Variants in SPRY3 observed in about 807,000 individuals in gnomAD.
SPRY3 encodes sprouty RTK signaling antagonist 3.
A neutral mutation model predicts 20.2 loss-of-function variants in SPRY3; 15 were observed. The ratio of observed to expected loss-of-function variants is 0.74; its 90% confidence interval spans 0.50 to 1.14. The LOEUF is 1.14. Among genes scored for constraint, SPRY3 ranks in the 50% most tolerant of loss-of-function variants. SPRY3 has a pLI of 0.00. For synonymous variants in SPRY3, 143 were observed against 136.5 expected (o/e 1.05, Z -0.33); for missense variants, 364 against 363.9 (o/e 1.00, Z 0.00).
At chrX:155,730,488 G>A (rs192632241) in intron 2 of SPRY3, among the ~76,000 whole-genome samples, 225 of 152,110 alleles carry the variant, frequency 1.5e-3, no homozygotes, top group African/African-American at 4.4e-3. Context: ...ATTTGACATC[G>A]CTTCATTATA....
At chrX:155,713,183 G>A (rs2090998978) in intron 2 of SPRY3, among the ~76,000 whole-genome samples, 1 of 151,946 alleles carries the variant, frequency 6.6e-6, no homozygotes, top group South Asian at 2.1e-4. Flanking sequence ...ATGGTGGTTT[G>A]CTGCACCTAT....
intron 2 of SPRY3, among the ~76,000 whole-genome samples, chrX:155,708,029 T>C (rs2090962782): frequency 6.6e-6 from 1 of 151,334 alleles, no homozygotes; most frequent in Non-Finnish European, 1.5e-5. Context: ...TTTTATAATA[T>C]ACAATTTTAA....
intron 2 of SPRY3, among the ~76,000 whole-genome samples, chrX:155,751,711 T>C (rs1255141415): frequency 9.9e-6 from 1 of 101,080 alleles, no homozygotes; most frequent in African/African-American, 6.1e-5. Flanking sequence ...AAAATACAAT[T>C]GCCAAAATAT....
intron 2 of SPRY3, among the ~76,000 whole-genome samples, chrX:155,720,590 G>T (rs933682992): frequency 1.3e-5 from 2 of 152,176 alleles, no homozygotes; most frequent in African/African-American, 2.4e-5. Flanking sequence ...GCTTCAGGTG[G>T]CTCAGAACAC....
intron 2 of SPRY3, among the ~76,000 whole-genome samples, chrX:155,727,189 C>T (rs1473768512): frequency 6.6e-6 from 1 of 152,154 alleles, no homozygotes; most frequent in Non-Finnish European, 1.5e-5. Context: ...GTCTGATGGG[C>T]TTCCTTTTGT....
At position 155,766,865 on chromosome X, in the gene SPRY3, A is replaced by G. The variant is rs193295960; in HGVS notation, c.-281-1097A>G. Reference sequence around the variant, plus strand: ...TGCTAAAGGGAAAGTAGGTTGGGTAATGGTTTCCCAGTGGCAATGGATGGG... The same window carrying G: ...TGCTAAAGGGAAAGTAGGTTGGGTAGTGGTTTCCCAGTGGCAATGGATGGG... On this transcript the variant is annotated intron_variant, in intron 2 of 3. Coordinates refer to ENST00000675360, the Ensembl canonical transcript of SPRY3. 3.3e-3 allele frequency among the ~76,000 whole-genome samples: 499 copies of G among 152,294 alleles called. 3 individuals are homozygous for G. The highest frequency in any genetic ancestry group is 0.011 in the African/African-American group (475 of 41,556).
At chrX:155,732,918 AT>A (rs1334431676) in intron 2 of SPRY3, among the ~76,000 whole-genome samples, 1 of 151,916 alleles carries the variant, frequency 6.6e-6, no homozygotes, top group Non-Finnish European at 1.5e-5. Context: ...CTTCGCTTTC[AT>A]TTTTTATTTT....
chrX:155,628,618 T>C (rs781966550), intron 1 of SPRY3, among the ~76,000 whole-genome samples: 3 of 112,215 alleles, frequency 2.7e-5, no homozygotes, highest in Non-Finnish European at 5.6e-5. Flanking sequence ...AAAACCACAA[T>C]GAAATACCAT....
intron 2 of SPRY3, among the ~76,000 whole-genome samples, chrX:155,749,239 T>C (rs898762655): frequency 3.3e-5 from 5 of 151,912 alleles, no homozygotes; most frequent in Non-Finnish European, 7.4e-5. Flanking sequence ...TGGTTATTCT[T>C]TTAGGCACTG....
intron 2 of SPRY3, among the ~76,000 whole-genome samples, chrX:155,709,178 A>G (rs1749878284): frequency 6.6e-6 from 1 of 151,734 alleles, no homozygotes; most frequent in South Asian, 2.1e-4. Flanking sequence ...TCTTTTGGGC[A>G]TATACCCAGC....
chrX:155,740,089 C>A (rs1233328105), intron 2 of SPRY3, among the ~76,000 whole-genome samples: 2 of 152,146 alleles, frequency 1.3e-5, no homozygotes, highest in East Asian at 1.9e-4. Flanking sequence ...ATGAAGATTT[C>A]ACTTTAATAT....
intron 2 of SPRY3, among the ~76,000 whole-genome samples, chrX:155,766,036 C>G (rs1214162143): frequency 1.3e-5 from 2 of 152,034 alleles, no homozygotes; most frequent in Non-Finnish European, 2.9e-5. Flanking sequence ...GATGAACCTA[C>G]AGTGAATCAC....
exon 4 of SPRY3, chrX:155,774,711 C>T (rs777863656): frequency 2.5e-6 from 4 of 1,613,088 alleles, no homozygotes; most frequent in South Asian, 1.1e-5. Context: ...GTGCACCCTT[C>T]CCCAAGGCCC....
chrX:155,705,987 TAGA>T (rs2090948116), intron 2 of SPRY3, among the ~76,000 whole-genome samples: 1 of 151,264 alleles, frequency 6.6e-6, no homozygotes, highest in African/African-American at 2.4e-5. Context: ...AACAAGGATA[TAGA>T]AGATCTGAAC....
intron 2 of SPRY3, among the ~76,000 whole-genome samples, chrX:155,682,871 G>A (rs1432137744): frequency 8.9e-6 from 1 of 111,923 alleles, no homozygotes; most frequent in Non-Finnish European, 1.9e-5. Context: ...TTCATGAGTT[G>A]AAGTCAAAAT....
rs181427496 is a variant in SPRY3 at position 155,728,314 on chromosome X, C to G, written c.-281-39648C>G. Among the ~76,000 whole-genome samples the G allele has an allele frequency of 3.8e-3, 584 of 152,254 alleles. 2 individuals carry two copies. The highest frequency in any genetic ancestry group is 0.013 in the African/African-American group (552 of 41,540). On this transcript the variant is annotated intron_variant, in intron 2 of 3. Transcript: ENST00000675360. ...GGCGGTCTGTTTCAGAGCTCAAACGCCATACTGTGAGAACCACTGCTCTCT... is the reference window on the plus strand; with the variant it reads ...GGCGGTCTGTTTCAGAGCTCAAACGGCATACTGTGAGAACCACTGCTCTCT...
intron 3 of SPRY3, among the ~76,000 whole-genome samples, chrX:155,773,307 G>GTTATATATATATATAT (rs4013148): frequency 3.3e-5 from 4 of 120,740 alleles, no homozygotes; most frequent in South Asian, 2.8e-4. Context: ...ATTTTGATTG[G>GTTATATATATATATAT]ATATATATAT....
chrX:155,680,040 A>AAT (rs988586234), intron 2 of SPRY3, among the ~76,000 whole-genome samples: 2 of 109,946 alleles, frequency 1.8e-5, no homozygotes, highest in African/African-American at 6.6e-5. Flanking sequence ...GTGAAACCAC[A>AAT]ATGGGAGATA....
exon 4 of SPRY3, chrX:155,774,508 T>C: frequency 6.2e-7 from 1 of 1,614,028 alleles, no homozygotes. Flanking sequence ...GCCCTGCTCT[T>C]GTGGGCCTAG....
Sources: allele counts gnomAD v4.1 joint callset (sites outside exome capture counted in the v4.1 genomes callset), GRCh38; gene constraint gnomAD v4.1.1; transcripts MANE v1.5; gene names NCBI Gene and HGNC (gene_info 2026-07-23, HGNC 2026-07-21).